Variants in ABLIM2 observed in about 807,000 individuals in gnomAD.
ABLIM2 encodes actin binding LIM protein family member 2.
Under a neutral mutation model 97.7 loss-of-function variants are expected in ABLIM2, and 53 were observed. The ratio of observed to expected loss-of-function variants is 0.54; its 90% CI spans 0.44 to 0.68. ABLIM2 has a LOEUF of 0.68. ABLIM2 is among the 30% of genes least tolerant of loss of function. The pLI, the probability that ABLIM2 is intolerant of heterozygous loss-of-function variation, is 0.00. For synonymous variants in ABLIM2, 361 were observed against 345.8 expected, an observed-to-expected ratio of 1.04 and a Z score of -0.49; for missense variants, 835 against 867.2, an observed-to-expected ratio of 0.96 and a Z score of 0.47.
chr4:8,045,039 G>T (rs1052608217), intron 9 of ABLIM2, 125 bp downstream of exon 9: 5 of 831,546 alleles, frequency 6.0e-6, no homozygotes, highest in Non-Finnish European at 8.1e-6. Context: ...AGCAATGGCC[G>T]TACCTCAGGC....
intron 11 of ABLIM2, 68 bp downstream of exon 11, chr4:8,029,588 A>ACT: frequency 1.3e-6 from 1 of 740,996 alleles, no homozygotes; most frequent in African/African-American, 2.3e-5. Context: ...AAAAAAACTA[A>ACT]AAAAAAAAAA....
In ABLIM2 at chr4:8,112,923, G is replaced by T. The variant is rs1168208180; in HGVS notation, c.11-6286C>A. On this transcript the variant is annotated intron_variant, in intron 1 of 20. Coordinates refer to ENST00000447017, the MANE Select transcript of ABLIM2 (RefSeq NM_001130083.2). The surrounding 1 kb of genome is among the most constrained non-coding windows in gnomAD (Gnocchi z 4.2). Reference sequence around the variant, plus strand: ...AGACACGGGAGCAGACGCACTGTCAGGTACTGGGGAGAGAGGTGTGCCATT... The same window carrying T: ...AGACACGGGAGCAGACGCACTGTCATGTACTGGGGAGAGAGGTGTGCCATT... Among the ~76,000 whole-genome samples, 1 of 152,298 alleles carries T rather than the reference G, an allele frequency of 6.6e-6. No homozygotes were observed.
chr4:8,127,413 T>C lies in ABLIM2; in HGVS notation c.11-20776A>G, dbSNP rs1848493408. The C allele has an allele frequency of 1.1e-5, 12 of 1,130,510 alleles. No individual in the cohort carries two copies. Among genetic ancestry groups the C allele is most frequent in the South Asian group, 5.7e-5 (4 of 69,820 alleles). 70.0% of individuals were successfully genotyped at this position (1,130,510 alleles called of 1,614,324 possible). On this transcript the variant is annotated intron_variant, in intron 1 of 20. Coordinates refer to ENST00000447017, the MANE Select transcript of ABLIM2 (RefSeq NM_001130083.2). This position sits in a 1 kb window ranked among gnomAD's most constrained non-coding sequence, Gnocchi z 7.3. ...ACCTTCACGCAGGGCACAACTTGAC[T>C]GGACCCGTCCTTTCCCACCAGACCC... is the stretch of plus-strand genomic sequence containing the variant.
chr4:8,031,950 C>A (rs1483930893), intron 10 of ABLIM2, among the ~76,000 whole-genome samples: 2 of 152,058 alleles, frequency 1.3e-5, no homozygotes, highest in African/African-American at 4.8e-5. Context: ...TGGTCTCGAA[C>A]TCCTGACCTC....
At chr4:8,014,929 T>C (rs79350484) in intron 14 of ABLIM2, among the ~76,000 whole-genome samples, 76 of 149,544 alleles carry the variant, frequency 5.1e-4, no homozygotes, top group Admixed American at 5.3e-4. Flanking sequence ...TCTTTCTTTT[T>C]TTTTTTTTTT....
chr4:8,093,253 A>C (rs1462662970), intron 3 of ABLIM2, among the ~76,000 whole-genome samples: 1 of 152,234 alleles, frequency 6.6e-6, no homozygotes, highest in South Asian at 2.1e-4. Flanking sequence ...GCTTCATCAG[A>C]CACAGGTGTG....
intron 7 of ABLIM2, among the ~76,000 whole-genome samples, chr4:8,060,215 A>G (rs1440829364): frequency 6.6e-6 from 1 of 152,186 alleles, no homozygotes; most frequent in East Asian, 1.9e-4. Context: ...CCGCCATCAG[A>G]AGCTTAATTT....
intron 16 of ABLIM2, among the ~76,000 whole-genome samples, chr4:8,006,819 T>C (rs992956524): frequency 7.9e-5 from 12 of 152,082 alleles, no homozygotes; most frequent in African/African-American, 2.9e-4. Context: ...GGGCAGTTCC[T>C]CCGGAAGGAG....
chr4:8,054,135 A>G lies in ABLIM2; in HGVS notation c.822+53T>C. ...TCAGTGTCCTCTTAACTGTACAAAG[A>G]TGGTGCAGGAGCAGTGAAGGGTACA... On this transcript the variant is annotated intron_variant, in intron 8 of 20. Coordinates refer to ENST00000447017, the MANE Select transcript of ABLIM2 (RefSeq NM_001130083.2). This position sits in a 1 kb window ranked among gnomAD's most constrained non-coding sequence, Gnocchi z 4.9. 1 of 1,583,354 alleles carries G rather than the reference A, an allele frequency of 6.3e-7. No individual in the cohort carries two copies. The highest frequency in any genetic ancestry group is 1.1e-5 in the South Asian group (1 of 90,462).
rs1371324546 is a variant in ABLIM2, at chr4:8,148,586, T to C, written c.10+10094A>G. 7.6e-6 allele frequency among the ~76,000 whole-genome samples: 1 copy of C among 131,738 alleles called. No individual in the cohort carries two copies. The highest frequency in any genetic ancestry group is 1.6e-5 in the Non-Finnish European group (1 of 60,970). 86.4% of individuals were successfully genotyped at this position (131,738 alleles called of 152,430 possible). On this transcript the variant is annotated intron_variant, in intron 1 of 20. Coordinates refer to ENST00000447017, the MANE Select transcript of ABLIM2 (RefSeq NM_001130083.2). The surrounding 1 kb of genome is among the most constrained non-coding windows in gnomAD (Gnocchi z 6.7). ...GCAAGGAGCTCTGATGTAAGGATTA[T>C]AGGGTGAAAGCACATCGCGGTGCTG...
intron 17 of ABLIM2, among the ~76,000 whole-genome samples, chr4:7,989,741 G>A (rs569996759): frequency 1.3e-5 from 2 of 152,216 alleles, no homozygotes; most frequent in African/African-American, 2.4e-5. Flanking sequence ...CTTTTAATAG[G>A]ACAGCTCAGT....
rs558303237 is a variant in ABLIM2 at position 8,039,289 on chromosome 4, C to T, written c.901-2994G>A. Among the ~76,000 whole-genome samples the T allele has an allele frequency of 2.6e-5, 4 of 152,336 alleles. No homozygotes were observed. The East Asian group carries it at 7.7e-4, about 29-fold the overall frequency. On this transcript the variant is annotated intron_variant, in intron 9 of 20. Transcript: ENST00000447017. ...CGTCCCCTCCAAGCAGCGATGATCA[C>T]AGCATTCACCTGTCCAGCCCCACAG...
At chr4:8,088,844 C>T (rs1195634438) in intron 3 of ABLIM2, among the ~76,000 whole-genome samples, 1 of 152,142 alleles carries the variant, frequency 6.6e-6, no homozygotes, top group East Asian at 1.9e-4. Flanking sequence ...GGATATGTAA[C>T]TTTTCCAAGG....
chr4:8,027,255 AG>A (rs1297366592), intron 12 of ABLIM2, among the ~76,000 whole-genome samples: 1 of 152,198 alleles, frequency 6.6e-6, no homozygotes, highest in Non-Finnish European at 1.5e-5. Flanking sequence ...GTGCCCGTGC[AG>A]GGATGTGGAT....
intron 20 of ABLIM2, among the ~76,000 whole-genome samples, chr4:7,969,886 G>C (rs1047618804): frequency 1.3e-5 from 2 of 152,108 alleles, no homozygotes; most frequent in African/African-American, 4.8e-5. Flanking sequence ...GTGGTGCTGA[G>C]ATCAGGGTTT....
rs1356475423 is a variant in ABLIM2 at position 8,087,507 on chromosome 4, G to A, written c.454+662C>T. On this transcript the variant is annotated intron_variant, in intron 4 of 20. Transcript: ENST00000447017. The surrounding 1 kb of genome is among the most constrained non-coding windows in gnomAD (Gnocchi z 4.6). ...TGAACCCAAGGGCCCCTGACTGCGG[G>A]AGCCCGGAGCTCAGTGTTCCTCTAC... Among the ~76,000 whole-genome samples, 1 of 152,200 alleles carries A rather than the reference G, an allele frequency of 6.6e-6. No homozygotes were observed. Among genetic ancestry groups the A allele is most frequent in the Non-Finnish European group, 1.5e-5 (1 of 68,030 alleles).
Position 8,087,585 on chromosome 4 carries a change from G to A in ABLIM2, c.454+584C>T, listed in dbSNP as rs1824517633. 6.6e-6 allele frequency among the ~76,000 whole-genome samples: 1 copy of A among 152,200 alleles called. No individual in the cohort carries two copies. Among genetic ancestry groups the A allele is most frequent in the Non-Finnish European group, 1.5e-5 (1 of 68,034 alleles). On this transcript the variant is annotated intron_variant, in intron 4 of 20. Transcript: ENST00000447017. The surrounding 1 kb of genome is among the most constrained non-coding windows in gnomAD (Gnocchi z 4.6). ...CCTGGAATTAACAGAGGGGAGCTGA[G>A]GGGAGTGAATGCCAGAGGGAGAGGA...
chr4:8,134,318 T>C (rs1310733783), intron 1 of ABLIM2, among the ~76,000 whole-genome samples: 3 of 152,080 alleles, frequency 2.0e-5, no homozygotes, highest in Non-Finnish European at 2.9e-5. Flanking sequence ...GGGATGGTGC[T>C]GCGTCTCCCT....
At chr4:8,158,544 C>T in intron 1 of ABLIM2, 136 bp downstream of exon 1, 1 of 1,163,542 alleles carries the variant, frequency 8.6e-7, no homozygotes, top group Non-Finnish European at 1.2e-6. Flanking sequence ...GCTGCAAAAT[C>T]CTGGAGCAAA....
Sources: allele counts gnomAD v4.1 joint callset (sites outside exome capture counted in the v4.1 genomes callset), GRCh38; gene constraint gnomAD v4.1.1; non-coding constraint Gnocchi (gnomAD v3.1); transcripts MANE v1.5; gene names NCBI Gene and HGNC (gene_info 2026-07-23, HGNC 2026-07-21).